NFKBIL1: variants seen among roughly 807,000 people sequenced by gnomAD.
NFKBIL1 encodes the protein NFKB inhibitor like 1.
A neutral mutation model predicts 45.4 loss-of-function variants in NFKBIL1; 30 were observed. That is an observed-to-expected ratio of 0.66 (90% CI 0.49 to 0.90). The LOEUF (loss-of-function observed/expected upper bound fraction) is 0.90. Ranked by LOEUF, NFKBIL1 falls within the 40% of genes least tolerant of loss-of-function variation. The pLI, the probability that NFKBIL1 is intolerant of heterozygous loss-of-function variation, is 0.00. For synonymous variants in NFKBIL1, 179 were observed against 197.3 expected (o/e 0.91, Z 0.78); for missense variants, 434 against 513.4 (o/e 0.85, Z 1.49).
chr6:31,547,324 T>C (rs1169241451), upstream of NFKBIL1, among the ~76,000 whole-genome samples: 1 of 151,304 alleles, frequency 6.6e-6, no homozygotes, highest in African/African-American at 2.4e-5. Context: ...CGTCCATCAC[T>C]GAACCATCTC....
At chr6:31,554,129 G>A (rs1160844137) in intron 2 of NFKBIL1, among the ~76,000 whole-genome samples, 8 of 152,096 alleles carry the variant, frequency 5.3e-5, no homozygotes, top group Non-Finnish European at 1.0e-4. Context: ...ATTTTAGGCC[G>A]GGTGCGATAG....
chr6:31,557,588 A>ATTAAGT lies in NFKBIL1; in HGVS notation c.335-40_335-39insTTAAGT. ...GATGGCAGCTCTGCCGAGGAGTGGG[A>ATTAAGT]GTCCCAGCTAACTTCTGCTCCCTGC... On this transcript the variant is annotated intron_variant, in intron 2 of 3. Coordinates refer to ENST00000376148, the MANE Select transcript of NFKBIL1 (RefSeq NM_005007.4). This position sits in a 1 kb window ranked among gnomAD's most constrained non-coding sequence, Gnocchi z 5.4. 6.9e-7 allele frequency: 1 copy of ATTAAGT among 1,441,180 alleles called. No individual in the cohort carries two copies. The highest frequency in any genetic ancestry group is 2.4e-5 in the Admixed American group (1 of 42,374). 89.3% of individuals were successfully genotyped at this position (1,441,180 alleles called of 1,614,324 possible).
At position 31,547,663 on chromosome 6, in the gene NFKBIL1, T is replaced by C; in HGVS notation, c.-32T>C. 6.5e-7 allele frequency: 1 copy of C among 1,540,152 alleles called. No individual in the cohort carries two copies. Among genetic ancestry groups the C allele is most frequent in the Non-Finnish European group, 8.9e-7 (1 of 1,118,432 alleles). On this transcript the variant is annotated 5_prime_UTR_variant, in exon 1 of 4. Coordinates refer to ENST00000376148, the MANE Select transcript of NFKBIL1 (RefSeq NM_005007.4). The stretch of plus-strand genomic sequence containing the variant: ...AACACAGGCCTTGGGCCTACGGCTC[T>C]GGGGGTACTTGGGGGGGCGGGGGCA...
In NFKBIL1 at chr6:31,548,210, T is replaced by C. The variant is rs779425402; in HGVS notation, c.105T>C (p.Arg35=). The change falls in exon 2 of 4, where the codon CGT becomes CGC. Residue 35 remains arginine, a synonymous_variant. Coordinates refer to ENST00000376148, the MANE Select transcript of NFKBIL1 (RefSeq NM_005007.4). ...CTTCCCGCCGCCAACGCCGAGAACG[T>C]CGCTTTCGTCGTTACTTGTCTGCAG... The part of the protein sequence containing the change: ...ASTSRRQRRE[R]RFRRYLSAGR... The C allele has an allele frequency of 2.5e-6, 4 of 1,612,972 alleles. No homozygotes were observed. Among genetic ancestry groups the C allele is most frequent in the African/African-American group, 1.3e-5 (1 of 74,932 alleles).
Position 31,558,470 on chromosome 6 carries a change from G to A in NFKBIL1, c.1005G>A (p.Arg335=). 15 of 1,551,494 alleles carry A rather than the reference G, an allele frequency of 9.7e-6. No individual in the cohort carries two copies. Among genetic ancestry groups the A allele is most frequent in the Non-Finnish European group, 1.3e-5 (15 of 1,147,366 alleles). Residue 335 remains arginine (R), a synonymous_variant, in exon 4 of 4, where the codon AGG becomes AGA. Coordinates refer to ENST00000376148, the MANE Select transcript of NFKBIL1 (RefSeq NM_005007.4). The surrounding 1 kb of genome is among the most constrained non-coding windows in gnomAD (Gnocchi z 7.2). ...EEQGALRRYL[R]VQQVRWHPDR... ...AGGGGGCTCTGAGGAGGTACTTGAG[G>A]GTCCAGCAGGTCCGCTGGCACCCTG... is the stretch of plus-strand genomic sequence containing the variant.
At chr6:31,550,704 T>G (rs532648258) in intron 2 of NFKBIL1, among the ~76,000 whole-genome samples, 63 of 152,300 alleles carry the variant, frequency 4.1e-4, no homozygotes, top group Admixed American at 1.5e-3. Flanking sequence ...GTTTTGTTTT[T>G]TTGAGATGGA....
At chr6:31,552,268 TTTTG>T (rs1296706799) in intron 2 of NFKBIL1, among the ~76,000 whole-genome samples, 17 of 17,176 alleles carry the variant, frequency 9.9e-4, no homozygotes, top group African/African-American at 4.6e-3. Flanking sequence ...TTGTTTTCTG[TTTTG>T]TTTTGTTTTG....
At chr6:31,552,014 C>T (rs183123762) in intron 2 of NFKBIL1, among the ~76,000 whole-genome samples, 30 of 152,268 alleles carry the variant, frequency 2.0e-4, no homozygotes, top group South Asian at 8.3e-4. Context: ...CCAGACTGCT[C>T]TCGAACTCCT....
At chr6:31,553,157 T>C (rs1479448323) in intron 2 of NFKBIL1, among the ~76,000 whole-genome samples, 1 of 150,126 alleles carries the variant, frequency 6.7e-6, no homozygotes, top group Non-Finnish European at 1.5e-5. Flanking sequence ...TTCTCCTGCC[T>C]CAGCCTCCTG....
upstream of NFKBIL1, among the ~76,000 whole-genome samples, chr6:31,547,363 A>G (rs3219184): frequency 0.083 from 12,557 of 151,712 alleles, 754 homozygotes; most frequent in South Asian, 0.17. Flanking sequence ...AGGAGGCGGG[A>G]AAAAACCTCC....
rs200395969 is a variant in NFKBIL1, at chr6:31,548,449, C to T, written c.334+10C>T. 4 of 1,495,628 alleles carry T rather than the reference C, an allele frequency of 2.7e-6. No individual in the cohort carries two copies. Among genetic ancestry groups the T allele is most frequent in the Non-Finnish European group, 3.5e-6 (4 of 1,129,464 alleles). The allele number at this position is 1,495,628 out of a possible 1,614,324, so 92.6% of individuals were successfully genotyped here. On this transcript the variant is annotated intron_variant, in intron 2 of 3. Coordinates refer to ENST00000376148, the MANE Select transcript of NFKBIL1 (RefSeq NM_005007.4). The stretch of plus-strand genomic sequence containing the variant: ...CGCCAGGGCCCAGATGGTGAGTCTG[C>T]TCAGTGGGGAACAAGGTCATAAGCA...
In NFKBIL1 at chr6:31,548,256, G is replaced by A. The variant is rs149648509; in HGVS notation, c.151G>A (p.Ala51Thr). The change falls in exon 2 of 4, where the codon GCC (alanine) becomes ACC (threonine). Residue 51 changes from alanine (A) to threonine (T), a missense_variant. Physicochemically the swap from Ala to Thr is moderately conservative, Grantham distance 58. Around this residue, in one of 4 missense-constraint regions of NFKBIL1, gnomAD observed 231 missense variants for 264.1 expected, o/e 0.87. Transcript: ENST00000376148. ...TGCAGGACGGCTGGTCCGGGCCCAG[G>A]CCCTCCTCCAGCGACACCCAGGCCT... ...LSAGRLVRAQ[A>T]LLQRHPGLDV... The A allele has an allele frequency of 5.0e-6, 8 of 1,613,030 alleles. No individual in the cohort carries two copies. Among genetic ancestry groups the A allele is most frequent in the Non-Finnish European group, 6.8e-6 (8 of 1,180,036 alleles).
In NFKBIL1 at chr6:31,548,189, C is replaced by T. The variant is rs199794570; in HGVS notation, c.84C>T (p.Ser28=). The change falls in exon 2 of 4, where the codon TCC becomes TCT. Residue 28 remains serine (S), a synonymous_variant. Coordinates refer to ENST00000376148, the MANE Select transcript of NFKBIL1 (RefSeq NM_005007.4). The part of the protein sequence containing the change: ...CRPKSSMAST[S]RRQRRERRFR... ...CCAAGAGTTCCATGGCCTCCACTTC[C>T]CGCCGCCAACGCCGAGAACGTCGCT... 4 of 1,613,158 alleles carry T rather than the reference C, an allele frequency of 2.5e-6. No homozygotes were observed. The highest frequency in any genetic ancestry group is 2.5e-6 in the Non-Finnish European group (3 of 1,180,052).
chr6:31,548,972 A>G (rs1412800857), intron 2 of NFKBIL1, among the ~76,000 whole-genome samples: 1 of 152,228 alleles, frequency 6.6e-6, no homozygotes, highest in East Asian at 1.9e-4. Context: ...CTGAGGAAAC[A>G]GGGCATAGAG....
In NFKBIL1 at chr6:31,548,334, G is replaced by C; in HGVS notation, c.229G>C (p.Asp77His). 1 of 1,603,760 alleles carries C rather than the reference G, an allele frequency of 6.2e-7. No homozygotes were observed. Among genetic ancestry groups the C allele is most frequent in the South Asian group, 1.1e-5 (1 of 90,596 alleles). ...ACTGCACCGGGCCTGTGCCCGCCAC[G>C]ATGCCCCTGCCCTGTGCCTGCTGCT... ...PPLHRACARH[D>H]APALCLLLRL... is the part of the protein sequence containing the mutation. Residue 77 changes from aspartate (D) to histidine (H), a missense_variant, in exon 2 of 4, where the codon GAT (aspartate) becomes CAT (histidine). This residue lies in a region of NFKBIL1 where 231 missense variants were observed against 264.1 expected (regional missense o/e 0.87). Coordinates refer to ENST00000376148, the MANE Select transcript of NFKBIL1 (RefSeq NM_005007.4).
In NFKBIL1 at chr6:31,558,713, C is replaced by T. The variant is rs1021636264; in HGVS notation, c.*102C>T. On this transcript the variant is annotated 3_prime_UTR_variant, in exon 4 of 4. Transcript: ENST00000376148. The surrounding 1 kb of genome is among the most constrained non-coding windows in gnomAD (Gnocchi z 7.2). ...GACCACAAGGAAGAGCCAGGTGCTG[C>T]TCAGCAGAGGATATGGGTGGGAGCG... 2 of 1,069,096 alleles carry T rather than the reference C, an allele frequency of 1.9e-6. No individual in the cohort carries two copies. The highest frequency in any genetic ancestry group is 2.6e-6 in the Non-Finnish European group (2 of 755,722). The allele number at this position is 1,069,096 out of a possible 1,614,324, so 66.2% of individuals were successfully genotyped here.
chr6:31,548,736 G>C (rs1769264429), intron 2 of NFKBIL1, among the ~76,000 whole-genome samples: 1 of 152,188 alleles, frequency 6.6e-6, no homozygotes, highest in South Asian at 2.1e-4. Context: ...TAGAAGGTAG[G>C]CTCTGGAGTT....
chr6:31,550,122 A>C (rs1769345496), intron 2 of NFKBIL1, among the ~76,000 whole-genome samples: 1 of 151,404 alleles, frequency 6.6e-6, no homozygotes, highest in Admixed American at 6.6e-5. Flanking sequence ...AATCACTTGA[A>C]CCCGGAAGAC....
intron 2 of NFKBIL1, among the ~76,000 whole-genome samples, chr6:31,552,322 G>T (rs1769473358): frequency 6.6e-6 from 1 of 152,044 alleles, no homozygotes; most frequent in South Asian, 2.1e-4. Context: ...GCCCAGGCTG[G>T]AGTGCAGTGG....
Sources: gnomAD v4.1 joint callset for allele counts (sites outside exome capture counted in the v4.1 genomes callset) on GRCh38, gnomAD v4.1.1 for gene constraint, gnomAD v4.1.1 regional missense constraint, Gnocchi (gnomAD v3.1) non-coding constraint, MANE v1.5 for transcripts, NCBI Gene and HGNC (gene_info 2026-07-23, HGNC 2026-07-21) for gene names.